The following MESD variants were observed in gnomAD, a reference collection of about 807,000 sequenced individuals.
The protein encoded by MESD is LRP chaperone MESD.
Under a neutral mutation model 12.9 loss-of-function variants are expected in MESD, and 7 were observed. The ratio of observed to expected loss-of-function variants is 0.54; its 90% CI spans 0.31 to 1.02. The LOEUF (loss-of-function observed/expected upper bound fraction) is 1.02, where lower values mean the gene tolerates loss of function less well. Ranked by LOEUF, MESD falls within the 50% of genes least tolerant of loss-of-function variation. The pLI, the probability that MESD is intolerant of heterozygous loss-of-function variation, is 0.05. For missense variants in MESD, 342 were observed against 296.7 expected, an observed-to-expected ratio of 1.15 and a Z score of -1.12; for synonymous variants, 126 against 115.6, an observed-to-expected ratio of 1.09 and a Z score of -0.58.
chr15:80,979,146 C>A lies in MESD; in HGVS notation c.*73G>T. On this transcript the variant is annotated 3_prime_UTR_variant, in exon 3 of 3. Transcript: ENST00000261758. The stretch of plus-strand genomic sequence containing the variant: ...TCCGGTGTGCAGTTGCCTGAGACCA[C>A]TCCCACCCCAGGAGCTGGGCAAAGA... The A allele has an allele frequency of 6.5e-7, 1 of 1,549,536 alleles. No individual in the cohort carries two copies. Among genetic ancestry groups the A allele is most frequent in the Admixed American group, 1.9e-5 (1 of 52,546 alleles).
At chr15:80,982,336 T>G (rs577909069) in intron 1 of MESD, among the ~76,000 whole-genome samples, 154 bp from the exon 2 acceptor site, 1 of 152,152 alleles carries the variant, frequency 6.6e-6, no homozygotes, top group Admixed American at 6.5e-5. Context: ...CTTCTTAACT[T>G]TCAAGATAGT....
At chr15:80,956,944 G>C (rs985239261) in intron 3 of MESD, among the ~76,000 whole-genome samples, 1 of 152,080 alleles carries the variant, frequency 6.6e-6, no homozygotes, top group Admixed American at 6.6e-5. Context: ...CACCCCCTGA[G>C]TAGCTGGGAC....
chr15:80,961,470 AT>A lies in MESD; in HGVS notation c.*289-9175del, dbSNP rs552704312. The stretch of plus-strand genomic sequence containing the variant: ...AAACTAGAAAATATTAAAAAGAACT[AT>A]AAAAGACAGAAGAAATGAATGCTCC... On this transcript the variant is annotated intron_variant, in intron 3 of 4. Transcript: ENST00000561312. Among the ~76,000 whole-genome samples the A allele has an allele frequency of 2.6e-4, 40 of 152,310 alleles. 1 individual carries two copies. The South Asian group carries it at 8.3e-3, about 32-fold the overall frequency.
intron 3 of MESD, among the ~76,000 whole-genome samples, chr15:80,961,038 T>C (rs1351953187): frequency 6.6e-6 from 1 of 152,182 alleles, no homozygotes; most frequent in African/African-American, 2.4e-5. Context: ...CAGGAGCCCT[T>C]TCGTGGTCCC....
At chr15:80,984,090 G>A (rs369206120) in intron 1 of MESD, among the ~76,000 whole-genome samples, 17 of 151,702 alleles carry the variant, frequency 1.1e-4, no homozygotes, top group East Asian at 7.7e-4. Context: ...TAGTAGAGAC[G>A]GGGTTTTGCC....
Position 80,964,187 on chromosome 15 carries a change from CACAA to C in MESD, c.*289-11895_*289-11892del, listed in dbSNP as rs548451420. On this transcript the variant is annotated intron_variant, in intron 3 of 4. Transcript: ENST00000561312. ...CAAGCATTCCTATACAACAGGAACA[CACAA>C]ACAGAGAGCCAAATCATGAGTGAAC... Among the ~76,000 whole-genome samples, 370 of 152,242 alleles carry C rather than the reference CACAA, an allele frequency of 2.4e-3. 1 individual carries two copies. The highest frequency in any genetic ancestry group is 8.4e-3 in the African/African-American group (351 of 41,548).
intron 1 of MESD, among the ~76,000 whole-genome samples, chr15:80,982,957 T>C (rs1256233945): frequency 6.6e-6 from 1 of 152,102 alleles, no homozygotes; most frequent in Non-Finnish European, 1.5e-5. Context: ...TGCACACCTG[T>C]AGTCCCAGCT....
chr15:80,957,076 C>T (rs1321633997), intron 3 of MESD, among the ~76,000 whole-genome samples: 1 of 152,168 alleles, frequency 6.6e-6, no homozygotes, highest in African/African-American at 2.4e-5. Flanking sequence ...TCTCCCACCT[C>T]AGCCTCCCAA....
At chr15:80,948,438 GAGGGGCAGGGACTTGCTGGTTGTCCT>G (rs1251095981) in exon 5 of MESD, 1 of 358,764 alleles carries the variant, frequency 2.8e-6, no homozygotes, top group African/African-American at 2.1e-5. Flanking sequence ...GGGCTTCAGA[GAGGGGCAGGGACTTGCTGGTTGTCCT>G]AGGGGCAGCT....
intron 2 of MESD, among the ~76,000 whole-genome samples, chr15:80,980,787 A>G (rs536076151): frequency 6.6e-6 from 1 of 152,042 alleles, no homozygotes; most frequent in Admixed American, 6.6e-5. Context: ...AATAAAAACA[A>G]AAACTTAACT....
intron 1 of MESD, among the ~76,000 whole-genome samples, chr15:80,985,902 G>A (rs1902717885): frequency 6.6e-6 from 1 of 151,968 alleles, no homozygotes; most frequent in African/African-American, 2.4e-5. Context: ...GGATTCACCC[G>A]CCTCAGTCTT....
intron 1 of MESD, among the ~76,000 whole-genome samples, chr15:80,987,618 A>G (rs1902769717): frequency 1.3e-5 from 2 of 151,944 alleles, no homozygotes; most frequent in South Asian, 4.2e-4. Context: ...CCTCCCAAGT[A>G]GCTGGGATTA....
intron 3 of MESD, among the ~76,000 whole-genome samples, chr15:80,962,381 C>A (rs1902103179): frequency 6.6e-6 from 1 of 152,164 alleles, no homozygotes; most frequent in Non-Finnish European, 1.5e-5. Context: ...GACTCCCACA[C>A]AGTAATAATG....
exon 5 of MESD, chr15:80,948,726 G>C: frequency 6.2e-7 from 1 of 1,606,648 alleles, no homozygotes; most frequent in Non-Finnish European, 8.5e-7. Flanking sequence ...GCGATGGGGA[G>C]CCATGGAACG....
intron 1 of MESD, 117 bp downstream of exon 1, chr15:80,989,462 G>A: frequency 8.2e-7 from 1 of 1,221,142 alleles, no homozygotes; most frequent in Non-Finnish European, 1.1e-6. Context: ...AAGGATTCAA[G>A]GCATGAGTAG....
chr15:80,979,683 A>G (rs1023797501), intron 2 of MESD, among the ~76,000 whole-genome samples: 1 of 152,258 alleles, frequency 6.6e-6, no homozygotes, highest in Non-Finnish European at 1.5e-5. Flanking sequence ...GCTCAGATCA[A>G]AATAGAAACA....
At chr15:80,983,662 C>G (rs1309704312) in intron 1 of MESD, among the ~76,000 whole-genome samples, 6 of 152,064 alleles carry the variant, frequency 3.9e-5, no homozygotes, top group Non-Finnish European at 4.4e-5. Context: ...GCAAGAGAGA[C>G]AGAAGATGAG....
At chr15:80,973,510 G>A (rs1461837140), downstream of MESD, among the ~76,000 whole-genome samples, 1 of 152,156 alleles carries the variant, frequency 6.6e-6, no homozygotes, top group Non-Finnish European at 1.5e-5. Flanking sequence ...CTGCACTCCA[G>A]TCTTGGCAAC....
downstream of MESD, chr15:80,975,680 G>A (rs1036929458): frequency 6.6e-6 from 1 of 151,944 alleles, no homozygotes; most frequent in Non-Finnish European, 1.5e-5. Context: ...AAAAGCCACA[G>A]TATCACCATC....
Sources: allele counts gnomAD v4.1 joint callset (sites outside exome capture counted in the v4.1 genomes callset), GRCh38; gene constraint gnomAD v4.1.1; transcripts MANE v1.5; gene names NCBI Gene and HGNC (gene_info 2026-07-23, HGNC 2026-07-21).